The following SEMA3A variants were observed in gnomAD, a reference collection of about 807,000 sequenced individuals.
The protein encoded by SEMA3A is semaphorin 3A, also known as semaphorin-3A.
Under a neutral mutation model 97.9 loss-of-function variants are expected in SEMA3A, and 29 were observed. The observed-to-expected ratio is 0.30, with a 90% CI of 0.22 to 0.40. SEMA3A has a LOEUF of 0.40. Among genes scored for constraint, SEMA3A ranks in the 10% least tolerant of loss-of-function variants. The pLI is 1.00. For synonymous variants in SEMA3A, 321 were observed against 323.7 expected, an observed-to-expected ratio of 0.99 and a Z score of 0.09; for missense variants, 763 against 951.3, an observed-to-expected ratio of 0.80 and a Z score of 2.60.
chr7:84,218,270 A>G (rs763647444), intron 3 of SEMA3A, among the ~76,000 whole-genome samples: 1 of 152,088 alleles, frequency 6.6e-6, no homozygotes, highest in Non-Finnish European at 1.5e-5. Context: ...TTTTAATACT[A>G]ATAATGATTT....
intron 6 of SEMA3A, among the ~76,000 whole-genome samples, chr7:84,022,824 A>ATTT (rs1417823654): frequency 1.3e-5 from 2 of 152,212 alleles, no homozygotes; most frequent in Non-Finnish European, 2.9e-5. Context: ...TTGGGGAAGA[A>ATTT]ACTTTGTATT....
At chr7:84,380,299 A>C (rs1277702543) in intron 1 of SEMA3A, among the ~76,000 whole-genome samples, 1 of 152,176 alleles carries the variant, frequency 6.6e-6, no homozygotes, top group Admixed American at 6.5e-5. Flanking sequence ...GTACTGGAAA[A>C]CTCAAAAGAA....
At chr7:84,443,880 C>CTTTTTTTTTT (rs71078831) in intron 1 of SEMA3A, among the ~76,000 whole-genome samples, 3 of 92,400 alleles carry the variant, frequency 3.2e-5, no homozygotes, top group Non-Finnish European at 4.2e-5. Context: ...GTGCTTTGTC[C>CTTTTTTTTTT]TTTTTTTTTT....
intron 12 of SEMA3A, among the ~76,000 whole-genome samples, chr7:83,997,011 TATG>T (rs1790250806): frequency 6.6e-6 from 1 of 152,188 alleles, no homozygotes; most frequent in African/African-American, 2.4e-5. Context: ...CTGGAATGTG[TATG>T]ATTAGTCAGG....
At chr7:84,491,081 C>G (rs1425314349) in intron 1 of SEMA3A, among the ~76,000 whole-genome samples, 5 of 152,118 alleles carry the variant, frequency 3.3e-5, no homozygotes, top group Admixed American at 3.3e-4. Context: ...CTCATAGCAG[C>G]AACTTTATCC....
rs183461301 is a variant in SEMA3A, at chr7:84,475,627, G to A, written c.-246+16833C>T. Among the ~76,000 whole-genome samples, 601 of 152,220 alleles carry A rather than the reference G, an allele frequency of 3.9e-3. 2 individuals are homozygous for A. The highest frequency in any genetic ancestry group is 0.012 in the African/African-American group (497 of 41,532). On this transcript the variant is annotated intron_variant, in intron 1 of 3. Transcript: ENST00000424555. ...AACCTGGTGGTTTAATTGGAAAGTC[G>A]GAGGTGCCCCTATTTGCTTCACTTT...
chr7:84,037,625 A>C (rs1309684886), intron 6 of SEMA3A, among the ~76,000 whole-genome samples: 9 of 152,294 alleles, frequency 5.9e-5, no homozygotes, highest in Admixed American at 4.6e-4. Context: ...ACAATAATTA[A>C]AATTTAGCAA....
intron 1 of SEMA3A, among the ~76,000 whole-genome samples, chr7:84,181,764 G>A (rs1797743165): frequency 6.6e-6 from 1 of 152,068 alleles, no homozygotes; most frequent in Non-Finnish European, 1.5e-5. Flanking sequence ...CAGTTTTTAA[G>A]CTAAAACTAT....
intron 1 of SEMA3A, among the ~76,000 whole-genome samples, chr7:84,434,009 C>A (rs1207980223): frequency 6.6e-6 from 1 of 151,978 alleles, no homozygotes; most frequent in South Asian, 2.1e-4. Flanking sequence ...AAACTTTCTC[C>A]CTTTCTGTAG....
intron 1 of SEMA3A, among the ~76,000 whole-genome samples, chr7:84,138,234 T>C (rs1307919680): frequency 6.6e-6 from 1 of 152,088 alleles, no homozygotes; most frequent in East Asian, 1.9e-4. Context: ...TCTTTTTTTT[T>C]AACCTATCTT....
chr7:83,982,429 G>A lies in SEMA3A; in HGVS notation c.1495-951C>T, dbSNP rs1226729648. Among the ~76,000 whole-genome samples, 5 of 152,106 alleles carry A rather than the reference G, an allele frequency of 3.3e-5. No individual in the cohort carries two copies. In the East Asian group the frequency reaches 9.6e-4, roughly 29 times the overall value. ...TTTAAAATGCCTTTAACAAAGTTGA[G>A]CCAATGTAGCATATTAGCTGCAAAT... On this transcript the variant is annotated intron_variant, in intron 13 of 16. Transcript: ENST00000265362.
At chr7:84,467,315 G>A (rs1206990558) in intron 1 of SEMA3A, among the ~76,000 whole-genome samples, 1 of 152,036 alleles carries the variant, frequency 6.6e-6, no homozygotes, top group African/African-American at 2.4e-5. Context: ...GAGGTCAGGA[G>A]ATCGAGACCA....
intron 1 of SEMA3A, among the ~76,000 whole-genome samples, chr7:84,436,356 C>G (rs1805129954): frequency 6.6e-6 from 1 of 152,142 alleles, no homozygotes; most frequent in Non-Finnish European, 1.5e-5. Context: ...TAAAGAGATT[C>G]TGCACAGCAG....
intron 2 of SEMA3A, among the ~76,000 whole-genome samples, chr7:84,330,369 A>T (rs1801882416): frequency 6.6e-6 from 1 of 152,112 alleles, no homozygotes; most frequent in Non-Finnish European, 1.5e-5. Flanking sequence ...CCTCCTGAAC[A>T]ATTAGGAATT....
At chr7:83,964,198 T>C (rs1788583374) in intron 15 of SEMA3A, among the ~76,000 whole-genome samples, 1 of 152,176 alleles carries the variant, frequency 6.6e-6, no homozygotes, top group African/African-American at 2.4e-5. Context: ...ACAGGGAGTC[T>C]AGGTAAAACT....
rs1304393284 is a variant in SEMA3A at position 83,963,491 on chromosome 7, T to A, written c.1718-144A>T. On this transcript the variant is annotated intron_variant, in intron 15 of 16. Coordinates refer to ENST00000265362, the MANE Select transcript of SEMA3A (RefSeq NM_006080.3). ...TGATTGAGGATGACAGAAATGTCAG[T>A]GATGTAAGGTTTCAGAGCCCAAATG... 24 of 864,524 alleles carry A rather than the reference T, an allele frequency of 2.8e-5. No homozygotes were observed. In the East Asian group the frequency reaches 6.1e-4, roughly 22 times the overall value. The allele number at this position is 864,524 out of a possible 1,614,324, so 53.6% of individuals were successfully genotyped here.
At chr7:84,160,749 ATGTG>A in intron 1 of SEMA3A, among the ~76,000 whole-genome samples, 1 of 151,374 alleles carries the variant, frequency 6.6e-6, no homozygotes. Context: ...GGGTGGTGGC[ATGTG>A]CCTGTAATCC....
intron 3 of SEMA3A, among the ~76,000 whole-genome samples, chr7:84,206,573 C>T (rs545823184): frequency 1.1e-4 from 16 of 152,156 alleles, no homozygotes; most frequent in East Asian, 1.9e-4. Context: ...CCGCCCGCCT[C>T]GGCCTCCCAA....
chr7:84,453,392 TCGCC>T (rs977382003), intron 1 of SEMA3A, among the ~76,000 whole-genome samples: 1 of 151,822 alleles, frequency 6.6e-6, no homozygotes, highest in Admixed American at 6.6e-5. Context: ...GCCCGCCACC[TCGCC>T]CGGCTAATTT....
Sources: allele counts gnomAD v4.1 joint callset (sites outside exome capture counted in the v4.1 genomes callset), GRCh38; gene constraint gnomAD v4.1.1; transcripts MANE v1.5; gene names NCBI Gene and HGNC (gene_info 2026-07-23, HGNC 2026-07-21).